Variants in HIPK2 observed in about 807,000 individuals in gnomAD.
The protein encoded by HIPK2 is homeodomain-interacting protein kinase 2.
HIPK2 carries 27 observed loss-of-function variants against 113.7 expected under a neutral mutation model. That is an observed-to-expected ratio of 0.24 (90% CI 0.17 to 0.33). The LOEUF (loss-of-function observed/expected upper bound fraction) is 0.33. Ranked by LOEUF, HIPK2 falls within the 10% of genes least tolerant of loss-of-function variation. The probability of loss-of-function intolerance (pLI) is 1.00; values close to 1 mark genes in which losing one functional copy is unlikely to be tolerated. For missense variants in HIPK2, 1,257 were observed against 1,588.0 expected (o/e 0.79, Z 3.54); for synonymous variants, 631 against 642.2 (o/e 0.98, Z 0.26).
chr7:139,690,545 G>A (rs991954707), intron 2 of HIPK2, among the ~76,000 whole-genome samples: 4 of 152,068 alleles, frequency 2.6e-5, no homozygotes. Context: ...TTGTAAAAAA[G>A]AGCCAGCCCC....
chr7:139,770,374 C>T (rs73735619), intron 1 of HIPK2, among the ~76,000 whole-genome samples: 9,646 of 152,230 alleles, frequency 0.063, 1,033 homozygotes, highest in African/African-American at 0.22. Flanking sequence ...TTAAAATTTG[C>T]TTCCTTAATG....
intron 2 of HIPK2, among the ~76,000 whole-genome samples, chr7:139,654,198 G>A (rs1024274877): frequency 1.3e-5 from 2 of 152,154 alleles, no homozygotes; most frequent in Non-Finnish European, 2.9e-5. Flanking sequence ...TACAAGTGAG[G>A]CTCTTAAACA....
At chr7:139,673,034 T>G (rs1349493222) in intron 2 of HIPK2, among the ~76,000 whole-genome samples, 1 of 150,376 alleles carries the variant, frequency 6.6e-6, no homozygotes, top group African/African-American at 2.4e-5. Context: ...TTAACAGCAA[T>G]AGATTTGTGG....
chr7:139,727,018 A>G (rs1275622018), intron 1 of HIPK2, among the ~76,000 whole-genome samples: 2 of 152,148 alleles, frequency 1.3e-5, no homozygotes, highest in African/African-American at 4.8e-5. Flanking sequence ...CAACAAGAAA[A>G]AAGCCAGGTT....
At position 139,568,667 on chromosome 7, in the gene HIPK2, A is replaced by G. The variant is rs1348746101; in HGVS notation, c.*4260T>C. The G allele has an allele frequency of 6.6e-6, 1 of 152,256 alleles. No individual in the cohort carries two copies. Among genetic ancestry groups the G allele is most frequent in the African/African-American group, 2.4e-5 (1 of 41,464 alleles). 9.4% of individuals were successfully genotyped at this position (152,256 alleles called of 1,614,324 possible). A position where few individuals can be genotyped will look rare whatever the true frequency, so the allele number is the denominator to read the frequency against. On this transcript the variant is annotated 3_prime_UTR_variant, in exon 15 of 15. Transcript: ENST00000406875. Reference sequence around the variant, plus strand: ...CTCTAGATGATTCGTGGGCTAAGTAAGGACTAGGTTGGCATCCCTCTGCTT... The same window carrying G: ...CTCTAGATGATTCGTGGGCTAAGTAGGGACTAGGTTGGCATCCCTCTGCTT...
chr7:139,715,631 C>T (rs1392745415), intron 2 of HIPK2, among the ~76,000 whole-genome samples: 1 of 152,204 alleles, frequency 6.6e-6, no homozygotes, highest in Admixed American at 6.5e-5. Flanking sequence ...TCTCTCTCCA[C>T]CACCTGTCTG....
chr7:139,687,174 C>T (rs1229291692), intron 2 of HIPK2, among the ~76,000 whole-genome samples: 1 of 152,228 alleles, frequency 6.6e-6, no homozygotes, highest in South Asian at 2.1e-4. Flanking sequence ...CTCATCACTA[C>T]AAGCAATTCT....
At chr7:139,611,543 AT>A (rs954270320) in intron 9 of HIPK2, among the ~76,000 whole-genome samples, 153 of 149,044 alleles carry the variant, frequency 1.0e-3, no homozygotes, top group Non-Finnish European at 1.7e-3. Flanking sequence ...GTTTCTATTA[AT>A]TTTTTTTTTT....
At chr7:139,592,420 A>C (rs117280991) in intron 12 of HIPK2, among the ~76,000 whole-genome samples, 1 of 152,262 alleles carries the variant, frequency 6.6e-6, no homozygotes, top group South Asian at 2.1e-4. Context: ...GTTGATGTGA[A>C]CCACTTTGGT....
At chr7:139,729,324 T>TGAGAGAGAGA (rs71170912) in intron 1 of HIPK2, among the ~76,000 whole-genome samples, 69 of 69,192 alleles carry the variant, frequency 1.0e-3, no homozygotes, top group East Asian at 4.7e-3. Context: ...ACCCTGTCTC[T>TGAGAGAGAGA]GAGAGAGAGA....
At chr7:139,646,499 TAAAAAA>T (rs57503855) in intron 2 of HIPK2, among the ~76,000 whole-genome samples, 2 of 119,950 alleles carry the variant, frequency 1.7e-5, no homozygotes, top group African/African-American at 3.2e-5. Flanking sequence ...GACCTTGTCT[TAAAAAA>T]AAAAAAAAAA....
chr7:139,671,554 T>C (rs549982973), intron 2 of HIPK2, among the ~76,000 whole-genome samples: 52 of 151,894 alleles, frequency 3.4e-4, no homozygotes, highest in Non-Finnish European at 7.1e-4. Flanking sequence ...CAGTTGAGAA[T>C]AAAGTTTTTT....
intron 2 of HIPK2, among the ~76,000 whole-genome samples, chr7:139,689,851 T>C (rs1166125358): frequency 6.6e-6 from 1 of 151,800 alleles, no homozygotes; most frequent in Non-Finnish European, 1.5e-5. Flanking sequence ...AGGTGGTGAG[T>C]CAATCAACAG....
intron 1 of HIPK2, among the ~76,000 whole-genome samples, chr7:139,757,929 T>C (rs538304001): frequency 8.5e-5 from 13 of 152,282 alleles, no homozygotes; most frequent in African/African-American, 2.9e-4. Flanking sequence ...ATGAAAGATA[T>C]TATTTACAAG....
At chr7:139,686,713 C>CT (rs1740928454) in intron 2 of HIPK2, among the ~76,000 whole-genome samples, 1 of 152,216 alleles carries the variant, frequency 6.6e-6, no homozygotes, top group Non-Finnish European at 1.5e-5. Flanking sequence ...AACCTCTTTC[C>CT]TTTTTAAATT....
chr7:139,736,926 G>A (rs1026955235), intron 1 of HIPK2, among the ~76,000 whole-genome samples: 4 of 152,196 alleles, frequency 2.6e-5, no homozygotes, highest in African/African-American at 9.7e-5. Flanking sequence ...CACAGGCCCA[G>A]CGCTAAGAGT....
At chr7:139,701,870 A>T (rs1481481420) in intron 2 of HIPK2, among the ~76,000 whole-genome samples, 4 of 152,180 alleles carry the variant, frequency 2.6e-5, no homozygotes, top group Non-Finnish European at 5.9e-5. Context: ...CTTATGCCAA[A>T]GGCACCGTGC....
Position 139,777,647 on chromosome 7 carries a change from A to G in HIPK2, c.-24T>C. On this transcript the variant is annotated 5_prime_UTR_variant, in exon 1 of 15. It removes an upstream start codon present in the reference 5' UTR. Transcript: ENST00000406875. ...ATCGGGGCCGGGGTGTCCGCGGTTC[A>G]TGGCAACGGGGACGGGAAAGCGGCG... The G allele has an allele frequency of 9.2e-7, 1 of 1,081,934 alleles. No homozygotes were observed. The highest frequency in any genetic ancestry group is 5.1e-5 in the East Asian group (1 of 19,430). 67.0% of individuals were successfully genotyped at this position (1,081,934 alleles called of 1,614,324 possible).
At chr7:139,693,444 A>G (rs1794470847) in intron 2 of HIPK2, among the ~76,000 whole-genome samples, 1 of 152,202 alleles carries the variant, frequency 6.6e-6, no homozygotes, top group South Asian at 2.1e-4. Context: ...TTGGAGAGAG[A>G]GCAGCACTTG....
Sources: gnomAD v4.1 joint callset for allele counts (sites outside exome capture counted in the v4.1 genomes callset) on GRCh38, gnomAD v4.1.1 for gene constraint, MANE v1.5 for transcripts, NCBI Gene and HGNC (gene_info 2026-07-23, HGNC 2026-07-21) for gene names.